Variants in STXBP5L observed in about 807,000 individuals in gnomAD.
STXBP5L encodes syntaxin binding protein 5L.
In STXBP5L, 65 loss-of-function variants were observed where a neutral mutation model predicts 144.5. That is an observed-to-expected ratio of 0.45 (90% CI 0.37 to 0.55). The LOEUF (loss-of-function observed/expected upper bound fraction) is 0.55, where lower values mean the gene tolerates loss of function less well. STXBP5L is among the 20% of genes least tolerant of loss of function. The pLI is 0.00. For synonymous variants in STXBP5L, 505 were observed against 469.6 expected (o/e 1.08, Z -0.97); for missense variants, 1,298 against 1,405.5 (o/e 0.92, Z 1.22).
At chr3:120,994,520 C>G (rs985648202) in intron 3 of STXBP5L, among the ~76,000 whole-genome samples, 2 of 151,958 alleles carry the variant, frequency 1.3e-5, no homozygotes, top group Admixed American at 1.3e-4. Context: ...TGAATTTTAT[C>G]TAGTCCTTTT....
chr3:121,308,084 A>G (rs1425660633), intron 19 of STXBP5L, among the ~76,000 whole-genome samples: 1 of 152,170 alleles, frequency 6.6e-6, no homozygotes, highest in African/African-American at 2.4e-5. Context: ...CCAGAGGGGA[A>G]CAACACACTG....
chr3:121,190,990 G>A (rs558677788), intron 9 of STXBP5L, among the ~76,000 whole-genome samples: 2 of 152,000 alleles, frequency 1.3e-5, no homozygotes, highest in African/African-American at 4.8e-5. Flanking sequence ...TGGGCGGCTG[G>A]GCAGAGACGC....
chr3:121,199,955 GT>G (rs1391217241), intron 9 of STXBP5L, among the ~76,000 whole-genome samples: 2 of 151,878 alleles, frequency 1.3e-5, no homozygotes, highest in Admixed American at 6.6e-5. Flanking sequence ...TTTTTTTCTT[GT>G]GTTTCTGCCA....
intron 5 of STXBP5L, among the ~76,000 whole-genome samples, chr3:121,076,359 G>A (rs2042018218): frequency 6.6e-6 from 1 of 152,114 alleles, no homozygotes; most frequent in African/African-American, 2.4e-5. Flanking sequence ...TAGGGGGGTG[G>A]ACTTTCTAAC....
At chr3:121,095,578 C>T (rs564339331) in intron 5 of STXBP5L, among the ~76,000 whole-genome samples, 24 of 152,286 alleles carry the variant, frequency 1.6e-4, no homozygotes, top group Non-Finnish European at 2.8e-4. Context: ...CTGATCGAAT[C>T]GGCTACTGAA....
intron 3 of STXBP5L, among the ~76,000 whole-genome samples, chr3:121,014,658 G>A (rs1440385475): frequency 1.3e-5 from 2 of 151,890 alleles, no homozygotes; most frequent in East Asian, 3.9e-4. Flanking sequence ...AAATTGCCAA[G>A]CTATTTTCCA....
intron 5 of STXBP5L, among the ~76,000 whole-genome samples, chr3:121,092,093 C>T (rs2042836403): frequency 6.6e-6 from 1 of 152,042 alleles, no homozygotes. Context: ...TGTAGATATG[C>T]AGCGTTATTT....
chr3:121,321,793 A>G (rs572232970), intron 20 of STXBP5L, among the ~76,000 whole-genome samples: 1 of 152,360 alleles, frequency 6.6e-6, no homozygotes, highest in South Asian at 2.1e-4. Context: ...GAGGTCAGGA[A>G]TTAGGCAAAC....
At chr3:121,083,597 A>T (rs866714478) in intron 5 of STXBP5L, among the ~76,000 whole-genome samples, 10 of 152,064 alleles carry the variant, frequency 6.6e-5, no homozygotes, top group Admixed American at 2.6e-4. Flanking sequence ...TGGGAGGCAG[A>T]TGTTGCAGTG....
intron 3 of STXBP5L, among the ~76,000 whole-genome samples, chr3:120,968,125 A>G (rs1418901288): frequency 6.6e-6 from 1 of 152,188 alleles, no homozygotes; most frequent in African/African-American, 2.4e-5. Context: ...CATTTGGTCA[A>G]GAGTTCAGTT....
chr3:121,112,966 T>TG (rs529840274), intron 5 of STXBP5L, among the ~76,000 whole-genome samples: 4 of 152,112 alleles, frequency 2.6e-5, no homozygotes, highest in Admixed American at 6.5e-5. Context: ...TTACTCTTTT[T>TG]GGGGGGGTTC....
chr3:120,972,151 A>G (rs1940347622), intron 3 of STXBP5L, among the ~76,000 whole-genome samples: 1 of 152,234 alleles, frequency 6.6e-6, no homozygotes, highest in South Asian at 2.1e-4. Context: ...TTGAATATGT[A>G]CATTGATTTG....
chr3:121,295,925 T>C (rs2051632112), intron 19 of STXBP5L, among the ~76,000 whole-genome samples: 1 of 152,184 alleles, frequency 6.6e-6, no homozygotes, highest in African/African-American at 2.4e-5. Flanking sequence ...AGAATACTGA[T>C]ATTTTATTTG....
At chr3:120,978,809 C>T (rs909402256) in intron 3 of STXBP5L, among the ~76,000 whole-genome samples, 4 of 152,236 alleles carry the variant, frequency 2.6e-5, no homozygotes, top group Non-Finnish European at 5.9e-5. Context: ...TAGAGGTCCA[C>T]TCCAGACCCT....
chr3:121,274,239 C>T (rs2050812461), intron 18 of STXBP5L, among the ~76,000 whole-genome samples: 1 of 152,166 alleles, frequency 6.6e-6, no homozygotes, highest in Non-Finnish European at 1.5e-5. Context: ...ATGCTTTCAG[C>T]TGTGAATGGC....
chr3:121,259,002 T>G (rs372101495), intron 17 of STXBP5L, 41 bp from the exon 18 acceptor site: 1 of 1,504,468 alleles, frequency 6.6e-7, no homozygotes, highest in African/African-American at 1.4e-5. Flanking sequence ...TGACCATGTT[T>G]ATTTAAGCTG....
chr3:121,109,843 T>C (rs1196463929), intron 5 of STXBP5L, among the ~76,000 whole-genome samples: 3 of 152,216 alleles, frequency 2.0e-5, no homozygotes, highest in Non-Finnish European at 4.4e-5. Flanking sequence ...TGTGGGAGTC[T>C]AAATCTTTTT....
intron 2 of STXBP5L, among the ~76,000 whole-genome samples, chr3:120,920,384 G>A (rs1269661515): frequency 6.6e-6 from 1 of 151,358 alleles, no homozygotes; most frequent in Non-Finnish European, 1.5e-5. Flanking sequence ...CATAATAGAT[G>A]CACATATTTT....
intron 19 of STXBP5L, among the ~76,000 whole-genome samples, chr3:121,282,978 T>C (rs906892812): frequency 6.6e-6 from 1 of 151,964 alleles, no homozygotes; most frequent in Non-Finnish European, 1.5e-5. Flanking sequence ...TAAGCAATTA[T>C]AAAAACTGGT....
Sources: gnomAD v4.1 joint callset for allele counts (sites outside exome capture counted in the v4.1 genomes callset) on GRCh38, gnomAD v4.1.1 for gene constraint, MANE v1.5 for transcripts, NCBI Gene and HGNC (gene_info 2026-07-23, HGNC 2026-07-21) for gene names.